ODAD3: variants seen among roughly 807,000 people sequenced by gnomAD.
ODAD3 encodes outer dynein arm-docking complex subunit 3.
In ODAD3, 57 loss-of-function variants were observed where a neutral mutation model predicts 70.9. That is an observed-to-expected ratio of 0.80 (90% CI 0.65 to 1.00). The LOEUF (loss-of-function observed/expected upper bound fraction) is 1.00, where lower values mean the gene tolerates loss of function less well. ODAD3 is among the 50% of genes least tolerant of loss of function. The pLI is 0.00. For synonymous variants in ODAD3, 327 were observed against 315.9 expected (o/e 1.04, Z -0.37); for missense variants, 797 against 763.9 (o/e 1.04, Z -0.51).
In ODAD3 at chr19:11,425,210, T is replaced by C. The variant is rs556403022; in HGVS notation, c.963+934A>G. 4.3e-5 allele frequency among the ~76,000 whole-genome samples: 6 copies of C among 140,446 alleles called. 1 individual carries two copies. The East Asian group carries it at 8.9e-4, about 21-fold the overall frequency. The allele number at this position is 140,446 out of a possible 152,430, so 92.1% of individuals were successfully genotyped here. A position where few individuals can be genotyped will look rare whatever the true frequency, so the allele number is the denominator to read the frequency against. ...ATATATACATATGTGTATGTGTACA[T>C]ATGTGTATATATGTGTGTATATGTA... is the stretch of plus-strand genomic sequence containing the variant. On this transcript the variant is annotated intron_variant, in intron 7 of 12. Coordinates refer to ENST00000356392, the MANE Select transcript of ODAD3 (RefSeq NM_145045.5).
chr19:11,425,515 A>G lies in ODAD3; in HGVS notation c.963+629T>C, dbSNP rs111219937. On this transcript the variant is annotated intron_variant, in intron 7 of 12. Coordinates refer to ENST00000356392, the MANE Select transcript of ODAD3 (RefSeq NM_145045.5). ...TGTATATATGTATATATGTGTGTAT[A>G]TATGTATATATGTATATATGTGTGT... Among the ~76,000 whole-genome samples the G allele has an allele frequency of 5.4e-3, 701 of 129,714 alleles. 24 individuals are homozygous for G. The highest frequency in any genetic ancestry group is 8.6e-3 in the Non-Finnish European group (526 of 61,228). 85.1% of individuals were successfully genotyped at this position (129,714 alleles called of 152,430 possible).
intron 11 of ODAD3, among the ~76,000 whole-genome samples, chr19:11,421,431 C>G (rs1392196116): frequency 1.3e-5 from 2 of 152,166 alleles, no homozygotes; most frequent in Non-Finnish European, 2.9e-5. Context: ...GCCACTAGGC[C>G]TCTCCCCATC....
At chr19:11,427,165 C>T in intron 3 of ODAD3, 125 bp from the exon 4 acceptor site, 3 of 1,012,698 alleles carry the variant, frequency 3.0e-6, no homozygotes, top group Non-Finnish European at 4.2e-6. Flanking sequence ...TTTCTACCCA[C>T]CTCCCTGGCC....
At chr19:11,429,363 C>G (rs1969455902) in intron 3 of ODAD3, among the ~76,000 whole-genome samples, 1 of 152,110 alleles carries the variant, frequency 6.6e-6, no homozygotes, top group South Asian at 2.1e-4. Flanking sequence ...AGGCGCCCAC[C>G]ACCATGCCTG....
At chr19:11,423,815 C>T in intron 8 of ODAD3, 62 bp downstream of exon 8, 1 of 1,526,736 alleles carries the variant, frequency 6.5e-7, no homozygotes, top group Admixed American at 1.8e-5. Flanking sequence ...GGCTTAGGCA[C>T]CCCTGGGGCC....
chr19:11,425,306 T>C (rs906224784), intron 7 of ODAD3, among the ~76,000 whole-genome samples: 1 of 127,964 alleles, frequency 7.8e-6, no homozygotes, highest in South Asian at 2.4e-4. Context: ...TATATGTGTA[T>C]GTGTACATAT....
intron 1 of ODAD3, 131 bp downstream of exon 1, chr19:11,434,642 G>A: frequency 2.6e-6 from 3 of 1,144,130 alleles, no homozygotes; most frequent in Non-Finnish European, 3.7e-6. Context: ...GGAAAAACAT[G>A]AACTAAGTAT....
At position 11,424,977 on chromosome 19, in the gene ODAD3, ATG is replaced by A. The variant is rs1477938920; in HGVS notation, c.964-950_964-949del. On this transcript the variant is annotated intron_variant, in intron 7 of 12. Transcript: ENST00000356392. ...TGTACATATGTGTATATATGTATAT[ATG>A]TGTATATGTACATATGTGTATATGT... 3.1e-5 allele frequency among the ~76,000 whole-genome samples: 4 copies of A among 127,060 alleles called. No homozygotes were observed. The East Asian group carries it at 6.6e-4, about 21-fold the overall frequency. The allele number at this position is 127,060 out of a possible 152,430, so 83.4% of individuals were successfully genotyped here. A position where few individuals can be genotyped will look rare whatever the true frequency, so the allele number is the denominator to read the frequency against.
chr19:11,421,067 A>G (rs1278188529), intron 12 of ODAD3, 61 bp downstream of exon 12: 5 of 1,588,632 alleles, frequency 3.1e-6, no homozygotes, highest in Non-Finnish European at 3.4e-6. Flanking sequence ...GTATCTGACA[A>G]CCTCCTGCTA....
chr19:11,420,962 G>A lies in ODAD3; in HGVS notation c.1676-15C>T. The A allele has an allele frequency of 6.2e-7, 1 of 1,609,312 alleles. No homozygotes were observed. Among genetic ancestry groups the A allele is most frequent in the East Asian group, 2.2e-5 (1 of 44,852 alleles). ...ACTCTCTTCGTCTAAGGGGGGTGGG[G>A]GGATGAGCAGGGAGCGATGTGGGAT... On this transcript the variant is annotated splice_polypyrimidine_tract_variant and intron_variant, in intron 12 of 12. Coordinates refer to ENST00000356392, the MANE Select transcript of ODAD3 (RefSeq NM_145045.5).
Position 11,422,686 on chromosome 19 carries a change from G to A in ODAD3, c.1277+15C>T. On this transcript the variant is annotated intron_variant, in intron 9 of 12. Transcript: ENST00000356392. The surrounding 1 kb of genome is among the most constrained non-coding windows in gnomAD (Gnocchi z 4.6). The stretch of plus-strand genomic sequence containing the variant: ...AGCCCGCCCCGCCGCCCTCCCCAGA[G>A]CCCCGGTGCCTCACCTCACCAGCGT... 1.2e-6 allele frequency: 2 copies of A among 1,610,740 alleles called. No individual in the cohort carries two copies. The highest frequency in any genetic ancestry group is 1.7e-6 in the Non-Finnish European group (2 of 1,179,008).
Sources: allele counts gnomAD v4.1 joint callset (sites outside exome capture counted in the v4.1 genomes callset), GRCh38; gene constraint gnomAD v4.1.1; non-coding constraint Gnocchi (gnomAD v3.1); transcripts MANE v1.5; gene names NCBI Gene and HGNC (gene_info 2026-07-23, HGNC 2026-07-21).